SLC12A3: variants seen among roughly 807,000 people sequenced by gnomAD.
SLC12A3 encodes solute carrier family 12 member 3, also known as Na-Cl cotransporter.
In SLC12A3, 104 loss-of-function variants were observed where a neutral mutation model predicts 121.0. The ratio of observed to expected loss-of-function variants is 0.86; its 90% CI spans 0.73 to 1.01. The LOEUF is 1.01. Among genes scored for constraint, SLC12A3 ranks in the 50% least tolerant of loss-of-function variants. The pLI is 0.00. For synonymous variants in SLC12A3, 536 were observed against 533.4 expected (o/e 1.00, Z -0.07); for missense variants, 1,328 against 1,356.3 (o/e 0.98, Z 0.33).
At chr16:56,889,449 C>A (rs528408692) in intron 18 of SLC12A3, among the ~76,000 whole-genome samples, 1 of 152,286 alleles carries the variant, frequency 6.6e-6, no homozygotes, top group Non-Finnish European at 1.5e-5. Context: ...ACCTTTGGAA[C>A]AAGAGTCTTC....
At chr16:56,879,273 G>A in intron 10 of SLC12A3, 46 bp downstream of exon 10, 6 of 1,610,178 alleles carry the variant, frequency 3.7e-6, no homozygotes, top group Non-Finnish European at 4.2e-6. Flanking sequence ...GGGGCTGGGT[G>A]GAGGCTGCAG....
At chr16:56,869,650 G>C (rs2055061252) in intron 3 of SLC12A3, 79 bp from the exon 4 acceptor site, 2 of 1,102,848 alleles carry the variant, frequency 1.8e-6, no homozygotes, top group Admixed American at 3.6e-5. Flanking sequence ...ATGAACGTAG[G>C]TCGCATGGTG....
At position 56,870,077 on chromosome 16, in the gene SLC12A3, C is replaced by T. The variant is rs774555116; in HGVS notation, c.602-19C>T. ...AACCGACTCATCTGGTTTCATGGTT[C>T]CCGGCTCTGCCCTGATAGGTGGCAC... On this transcript the variant is annotated intron_variant, in intron 4 of 25. Coordinates refer to ENST00000563236, the MANE Select transcript of SLC12A3 (RefSeq NM_001126108.2). 2 of 1,611,462 alleles carry T rather than the reference C, an allele frequency of 1.2e-6. No individual in the cohort carries two copies. The highest frequency in any genetic ancestry group is 1.7e-6 in the Non-Finnish European group (2 of 1,180,022).
chr16:56,912,285 A>G (rs2399594), intron 25 of SLC12A3, among the ~76,000 whole-genome samples: 59,535 of 152,180 alleles, frequency 0.39, 11,780 homozygotes, highest in African/African-American at 0.43. Flanking sequence ...GGCCATCCCA[A>G]TGCATTTTTG....
intron 24 of SLC12A3, 23 bp downstream of exon 24, chr16:56,902,531 G>GGGGGCCA: frequency 1.4e-6 from 1 of 714,568 alleles, no homozygotes. Context: ...GTGGGGGTGG[G>GGGGGCCA]AAACGCGACA....
chr16:56,892,979 G>T lies in SLC12A3; in HGVS notation c.2446G>T (p.Glu816Ter). 1 of 1,614,234 alleles carries T rather than the reference G, an allele frequency of 6.2e-7. No individual in the cohort carries two copies. The highest frequency in any genetic ancestry group is 8.5e-7 in the Non-Finnish European group (1 of 1,180,022). Residue 816 changes from glutamate to a stop codon, truncating the protein, a stop_gained, in exon 21 of 26, where the codon GAG (glutamate) becomes TAG (stop). Coordinates refer to ENST00000563236, the MANE Select transcript of SLC12A3 (RefSeq NM_001126108.2). LOFTEE classifies it high-confidence loss of function. ...GGACCCCAAGGCCCTGGTGAAGGAG[G>T]AGCAGGCCACCACCATCTTCCAGTC... ...RVDPKALVKE[E>*]QATTIFQSEQ...
chr16:56,893,928 C>T (rs1278401167), intron 21 of SLC12A3, among the ~76,000 whole-genome samples: 1 of 151,258 alleles, frequency 6.6e-6, no homozygotes, highest in Non-Finnish European at 1.5e-5. Context: ...CAGGCGGCTG[C>T]CACCACACCC....
Position 56,914,969 on chromosome 16 carries a change from G to C in SLC12A3, c.*1564G>C, listed in dbSNP as rs2055734667. 1 of 152,114 alleles carries C rather than the reference G, an allele frequency of 6.6e-6. No homozygotes were observed. Among genetic ancestry groups the C allele is most frequent in the African/African-American group, 2.4e-5 (1 of 41,250 alleles). 9.4% of individuals were successfully genotyped at this position (152,114 alleles called of 1,614,324 possible). On this transcript the variant is annotated 3_prime_UTR_variant, in exon 26 of 26. Coordinates refer to ENST00000563236, the MANE Select transcript of SLC12A3 (RefSeq NM_001126108.2). ...GCAGGGAGGGGCTGTTAAGAGTGGGGTTGGAGGTGGGAGAGAAGCTAGGAC... is the reference window on the plus strand; with the variant it reads ...GCAGGGAGGGGCTGTTAAGAGTGGGCTTGGAGGTGGGAGAGAAGCTAGGAC...
At chr16:56,876,108 G>A (rs1271890782) in intron 8 of SLC12A3, among the ~76,000 whole-genome samples, 9 of 151,988 alleles carry the variant, frequency 5.9e-5, no homozygotes, top group Non-Finnish European at 1.3e-4. Context: ...CTAATTTCTG[G>A]TGGCTGCTGA....
chr16:56,888,969 A>G (rs1486695930), intron 18 of SLC12A3, among the ~76,000 whole-genome samples: 1 of 152,236 alleles, frequency 6.6e-6, no homozygotes, highest in Admixed American at 6.5e-5. Context: ...AAGAGCTCTG[A>G]GGCGGTGCCC....
At chr16:56,894,464 A>G (rs1414732621) in intron 21 of SLC12A3, 67 bp from the exon 22 acceptor site, 2 of 1,121,240 alleles carry the variant, frequency 1.8e-6, no homozygotes, top group East Asian at 2.5e-5. Context: ...AGAGCGGGGC[A>G]GGAACTCACA....
At chr16:56,868,846 G>A (rs1964422227) in intron 3 of SLC12A3, among the ~76,000 whole-genome samples, 1 of 152,050 alleles carries the variant, frequency 6.6e-6, no homozygotes, top group Non-Finnish European at 1.5e-5. Flanking sequence ...GTTGGCAGGT[G>A]CCTGTAATCC....
At position 56,872,655 on chromosome 16, in the gene SLC12A3, G is replaced by A. The variant is rs1313888688; in HGVS notation, c.965-1G>A. ...TTACTCATCAGGCCTTGCTTTTCCAGCGGACATTTTTGTCCAGAACTTGGT... is the reference window on the plus strand; with the variant it reads ...TTACTCATCAGGCCTTGCTTTTCCAACGGACATTTTTGTCCAGAACTTGGT... On this transcript the variant is annotated splice_acceptor_variant, in intron 7 of 25. Coordinates refer to ENST00000563236, the MANE Select transcript of SLC12A3 (RefSeq NM_001126108.2). LOFTEE classifies it high-confidence loss of function. 1 of 1,614,238 alleles carries A rather than the reference G, an allele frequency of 6.2e-7. No individual in the cohort carries two copies. The highest frequency in any genetic ancestry group is 2.2e-5 in the East Asian group (1 of 44,890).
intron 18 of SLC12A3, among the ~76,000 whole-genome samples, chr16:56,888,512 G>A (rs940480363): frequency 1.0e-4 from 15 of 150,472 alleles, no homozygotes; most frequent in African/African-American, 2.2e-4. Flanking sequence ...TCTAGTGCCC[G>A]TGCAGAAATG....
At chr16:56,877,951 C>A in intron 8 of SLC12A3, 126 bp from the exon 9 acceptor site, 1 of 641,638 alleles carries the variant, frequency 1.6e-6, no homozygotes, top group Admixed American at 2.5e-5. Flanking sequence ...GAGGTTGCTG[C>A]CCCCAGCCTC....
At position 56,879,118 on chromosome 16, in the gene SLC12A3, T is replaced by A. The variant is rs2055202641; in HGVS notation, c.1226T>A (p.Val409Glu). The change falls in exon 10 of 26, where the codon GTG (valine) becomes GAG (glutamate). Residue 409 changes from valine to glutamate, a missense_variant. Coordinates refer to ENST00000563236, the MANE Select transcript of SLC12A3 (RefSeq NM_001126108.2). ...GCCTCTGGGGTCCTGAATGACACAG[T>A]GACCCCTGGCTGGGGTGCCTGCGAG... ...RDASGVLNDT[V>E]TPGWGACEGL... 6.2e-7 allele frequency: 1 copy of A among 1,613,668 alleles called. No individual in the cohort carries two copies. Among genetic ancestry groups the A allele is most frequent in the Non-Finnish European group, 8.5e-7 (1 of 1,179,896 alleles).
intron 25 of SLC12A3, 99 bp from the exon 26 acceptor site, chr16:56,913,165 A>G: frequency 6.6e-7 from 1 of 1,514,632 alleles, no homozygotes; most frequent in Non-Finnish European, 9.1e-7. Flanking sequence ...GCTCTGAGGG[A>G]CGGTAAACAG....
intron 13 of SLC12A3, among the ~76,000 whole-genome samples, chr16:56,883,143 C>G (rs2055263302): frequency 6.6e-6 from 1 of 152,116 alleles, no homozygotes; most frequent in Admixed American, 6.6e-5. Flanking sequence ...AGGGCTGTCA[C>G]AGACAGTGCT....
At position 56,865,246 on chromosome 16, in the gene SLC12A3, T is replaced by C; in HGVS notation, c.11T>C (p.Leu4Pro). The change falls in exon 1 of 26, where the codon CTG becomes CCG. Residue 4 changes from leucine to proline, a missense_variant. Coordinates refer to ENST00000563236, the MANE Select transcript of SLC12A3 (RefSeq NM_001126108.2). The stretch of plus-strand genomic sequence containing the variant: ...GACACCCAGGCGACAATGGCAGAAC[T>C]GCCCACAACAGAGACGCCTGGGGAC... Reference protein sequence around the residue: MAELPTTETPGDAT... With the variant: MAEPPTTETPGDAT... 6.2e-7 allele frequency: 1 copy of C among 1,613,672 alleles called. No homozygotes were observed. The highest frequency in any genetic ancestry group is 8.5e-7 in the Non-Finnish European group (1 of 1,179,988).
Sources: allele counts gnomAD v4.1 joint callset (sites outside exome capture counted in the v4.1 genomes callset), GRCh38; gene constraint gnomAD v4.1.1; transcripts MANE v1.5; gene names NCBI Gene and HGNC (gene_info 2026-07-23, HGNC 2026-07-21).